The following CASP9 variants were observed in gnomAD, a reference collection of about 807,000 sequenced individuals.
CASP9 encodes caspase-9.
In CASP9, 29 loss-of-function variants were observed where a neutral mutation model predicts 43.5. The ratio of observed to expected loss-of-function variants is 0.67; its 90% CI spans 0.50 to 0.91. CASP9 has a LOEUF of 0.91. CASP9 is among the 40% of genes least tolerant of loss of function. The pLI is 0.00. For synonymous variants in CASP9, 206 were observed against 211.9 expected, an observed-to-expected ratio of 0.97 and a Z score of 0.24; for missense variants, 575 against 537.4, an observed-to-expected ratio of 1.07 and a Z score of -0.69.
chr1:15,507,083 C>T lies in CASP9; in HGVS notation c.454-8G>A. On this transcript the variant is annotated splice_region_variant and splice_polypyrimidine_tract_variant and intron_variant, in intron 3 of 8. Coordinates refer to ENST00000333868, the MANE Select transcript of CASP9 (RefSeq NM_001229.5). ...CATGCTCAGGATGTAAGCCTGCCAG[C>T]ACAGGGACCCACGTAAACCCGGGCT... is the stretch of plus-strand genomic sequence containing the variant. The T allele has an allele frequency of 1.2e-6, 2 of 1,613,320 alleles. No individual in the cohort carries two copies. Among genetic ancestry groups the T allele is most frequent in the South Asian group, 2.2e-5 (2 of 91,052 alleles).
At position 15,504,663 on chromosome 1, in the gene CASP9, G is replaced by A. The variant is rs145738773; in HGVS notation, c.816C>T (p.Cys272=). ...GCTTGGGCTTCCCTCCCAGGCTGGG[G>A]CAGCTGGTCCCATTGAAGATGTTCA... ...KIVNIFNGTS[C]PSLGGKPKLF... The change falls in exon 6 of 9, where the codon TGC becomes TGT. Residue 272 remains cysteine, a synonymous_variant. Coordinates refer to ENST00000333868, the MANE Select transcript of CASP9 (RefSeq NM_001229.5). 24 of 1,614,074 alleles carry A rather than the reference G, an allele frequency of 1.5e-5. No homozygotes were observed. The African/African-American group carries it at 2.8e-4, about 19-fold the overall frequency.
chr1:15,524,251 C>A, upstream of CASP9: 1 of 1,521,958 alleles, frequency 6.6e-7, no homozygotes. Context: ...TTCCGGGCCT[C>A]GGCCGCCCGC....
chr1:15,522,510 CTCA>C (rs1266651247), intron 1 of CASP9, among the ~76,000 whole-genome samples: 1 of 151,988 alleles, frequency 6.6e-6, no homozygotes. Context: ...GAGTTTGAGA[CTCA>C]TCTAGGCAAC....
At chr1:15,499,933 A>G (rs1395207633) in intron 6 of CASP9, among the ~76,000 whole-genome samples, 1 of 152,288 alleles carries the variant, frequency 6.6e-6, no homozygotes, top group Middle Eastern at 3.4e-3. Context: ...GGCAGTGCCA[A>G]GCTTGGAAAA....
chr1:15,509,611 G>C (rs1570854260), intron 2 of CASP9, among the ~76,000 whole-genome samples: 1 of 151,364 alleles, frequency 6.6e-6, no homozygotes, highest in African/African-American at 2.4e-5. Flanking sequence ...CTCCAGCCTG[G>C]GCAACAAGAG....
At chr1:15,508,862 C>T (rs115451739) in intron 2 of CASP9, among the ~76,000 whole-genome samples, 132 of 152,360 alleles carry the variant, frequency 8.7e-4, no homozygotes, top group Non-Finnish European at 1.8e-3. Flanking sequence ...AGCAAAGAGG[C>T]TCTATCTTCC....
intron 2 of CASP9, among the ~76,000 whole-genome samples, chr1:15,512,602 T>C (rs1709796158): frequency 6.6e-6 from 1 of 152,212 alleles, no homozygotes; most frequent in Non-Finnish European, 1.5e-5. Context: ...ATGGCAGATC[T>C]TGGAACTTCT....
At chr1:15,494,593 G>C (rs1327873173) in intron 7 of CASP9, among the ~76,000 whole-genome samples, 1 of 150,592 alleles carries the variant, frequency 6.6e-6, no homozygotes, top group Non-Finnish European at 1.5e-5. Context: ...GCTGGGCGCG[G>C]TGGCTCACGC....
upstream of CASP9, chr1:15,524,488 CG>C (rs1710369169): frequency 3.6e-6 from 3 of 840,826 alleles, no homozygotes; most frequent in Non-Finnish European, 4.6e-6. Flanking sequence ...TCCGCGTCAC[CG>C]CCCCGCCCCA....
In CASP9 at chr1:15,492,720, C is replaced by G; in HGVS notation, c.*223G>C. The G allele has an allele frequency of 1.7e-6, 1 of 605,922 alleles. No homozygotes were observed. The highest frequency in any genetic ancestry group is 2.9e-6 in the Non-Finnish European group (1 of 350,426). 37.5% of individuals were successfully genotyped at this position (605,922 alleles called of 1,614,324 possible). On this transcript the variant is annotated 3_prime_UTR_variant, in exon 9 of 9. Transcript: ENST00000333868. The stretch of plus-strand genomic sequence containing the variant: ...GGACCAGCCACTGCTCAAGAGGCCA[C>G]GTGCAATCCACGGCATTCATCTGTC...
intron 1 of CASP9, 75 bp downstream of exon 1, chr1:15,523,994 G>C (rs1047213259): frequency 2.6e-6 from 3 of 1,139,384 alleles, no homozygotes; most frequent in Non-Finnish European, 3.6e-6. Flanking sequence ...GGAAGGCTAG[G>C]CTCCCGCACA....
intron 8 of CASP9, chr1:15,493,545 A>G: frequency 7.1e-7 from 1 of 1,404,110 alleles, no homozygotes; most frequent in South Asian, 1.7e-5. Flanking sequence ...CATGATGCCC[A>G]CAGGATATAG....
At chr1:15,493,861 C>G in intron 8 of CASP9, 31 bp downstream of exon 8, 1 of 1,563,682 alleles carries the variant, frequency 6.4e-7, no homozygotes, top group Non-Finnish European at 8.7e-7. Context: ...AGCAGCCTCC[C>G]CTCTCCTTTG....
At chr1:15,513,712 T>C (rs1345487691) in intron 2 of CASP9, among the ~76,000 whole-genome samples, 1 of 152,120 alleles carries the variant, frequency 6.6e-6, no homozygotes, top group Non-Finnish European at 1.5e-5. Flanking sequence ...AGTAAACATT[T>C]GTGTGAGCTA....
At chr1:15,497,568 G>A (rs1709152083) in intron 6 of CASP9, among the ~76,000 whole-genome samples, 1 of 151,696 alleles carries the variant, frequency 6.6e-6, no homozygotes, top group Admixed American at 6.6e-5. Context: ...GCTTGAACCA[G>A]GGAGTCAGAG....
rs1709484808 is a variant in CASP9, at chr1:15,505,546, G to A, written c.720+444C>T. Among the ~76,000 whole-genome samples the A allele has an allele frequency of 2.0e-5, 3 of 152,344 alleles. No individual in the cohort carries two copies. In the East Asian group the frequency reaches 5.8e-4, roughly 29 times the overall value. ...CAACTTAAAAGATGAGGAAACTGAG[G>A]CCCAGTAAGGGGTAAGGGCTTAATC... On this transcript the variant is annotated intron_variant, in intron 5 of 8. Coordinates refer to ENST00000333868, the MANE Select transcript of CASP9 (RefSeq NM_001229.5).
Position 15,494,010 on chromosome 1 carries a change from G to T in CASP9, c.1049-9C>A. The T allele has an allele frequency of 1.3e-6, 2 of 1,572,654 alleles. No individual in the cohort carries two copies. The highest frequency in any genetic ancestry group is 1.2e-5 in the South Asian group (1 of 86,568). On this transcript the variant is annotated splice_polypyrimidine_tract_variant and intron_variant, in intron 7 of 8. Transcript: ENST00000333868. The stretch of plus-strand genomic sequence containing the variant: ...CCTCCAGGAAACAAAACCTTTGGAG[G>T]GAGGAGGGCTGAACACTGCTGGAGA...
intron 1 of CASP9, among the ~76,000 whole-genome samples, chr1:15,522,320 C>T (rs754960417): frequency 6.6e-6 from 1 of 152,220 alleles, no homozygotes; most frequent in African/African-American, 2.4e-5. Flanking sequence ...AAAATGGCAA[C>T]CTGTGGTTCC....
At chr1:15,524,373 C>T, upstream of CASP9, 1 of 1,384,644 alleles carries the variant, frequency 7.2e-7, no homozygotes, top group South Asian at 1.6e-5. Flanking sequence ...CGCCCCGCCC[C>T]CAGGAGTCGC....
Sources: gnomAD v4.1 joint callset for allele counts (sites outside exome capture counted in the v4.1 genomes callset) on GRCh38, gnomAD v4.1.1 for gene constraint, MANE v1.5 for transcripts, NCBI Gene and HGNC (gene_info 2026-07-23, HGNC 2026-07-21) for gene names.